Variants in MYH15 observed in about 807,000 individuals in gnomAD.
MYH15 encodes myosin-15.
In MYH15, 227 loss-of-function variants were observed where a neutral mutation model predicts 240.5. That is an observed-to-expected ratio of 0.94 (90% CI 0.85 to 1.05). MYH15 has a LOEUF of 1.05. MYH15 is among the 50% of genes least tolerant of loss of function. The pLI is 0.00. For missense variants in MYH15, 2,217 were observed against 2,247.5 expected, an observed-to-expected ratio of 0.99 and a Z score of 0.27; for synonymous variants, 785 against 796.7, an observed-to-expected ratio of 0.99 and a Z score of 0.25.
chr3:108,388,379 T>C (rs942992212), intron 38 of MYH15, among the ~76,000 whole-genome samples: 3 of 152,212 alleles, frequency 2.0e-5, no homozygotes, highest in Non-Finnish European at 4.4e-5. Flanking sequence ...CATTAGTCAC[T>C]TGTAAGAAGT....
chr3:108,491,028 C>T lies in MYH15; in HGVS notation c.871+1472G>A, dbSNP rs1016464594. ...TCAGTCTCCTGAGTAGCCAGAATTACGAGCACCTGCCACCATGCCTGGCTA... is the reference window on the plus strand; with the variant it reads ...TCAGTCTCCTGAGTAGCCAGAATTATGAGCACCTGCCACCATGCCTGGCTA... On this transcript the variant is annotated intron_variant, in intron 9 of 40. Coordinates refer to ENST00000693548, the MANE Select transcript of MYH15 (RefSeq NM_014981.3). Among the ~76,000 whole-genome samples, 9 of 152,088 alleles carry T rather than the reference C, an allele frequency of 5.9e-5. No individual in the cohort carries two copies. The South Asian group carries it at 6.2e-4, about 11-fold the overall frequency.
At chr3:108,459,533 A>G (rs2083053596) in intron 17 of MYH15, 84 bp from the exon 18 acceptor site, 1 of 727,168 alleles carries the variant, frequency 1.4e-6, no homozygotes, top group Non-Finnish European at 2.3e-6. Context: ...CTCCAAATCT[A>G]TCAACTTAAT....
chr3:108,411,371 C>A (rs552545275), intron 30 of MYH15, among the ~76,000 whole-genome samples: 8 of 152,284 alleles, frequency 5.3e-5, no homozygotes, highest in African/African-American at 1.4e-4. Flanking sequence ...CTAAAGAACA[C>A]TCTCTTGCTT....
At chr3:108,479,298 T>G (rs545469287) in intron 11 of MYH15, among the ~76,000 whole-genome samples, 16 of 152,196 alleles carry the variant, frequency 1.1e-4, no homozygotes, top group Non-Finnish European at 2.1e-4. Context: ...GGCTGCATGA[T>G]CTTACCTGGG....
At chr3:108,527,131 C>T (rs1487201637) in intron 1 of MYH15, among the ~76,000 whole-genome samples, 2 of 152,034 alleles carry the variant, frequency 1.3e-5, no homozygotes, top group African/African-American at 4.8e-5. Flanking sequence ...TTGGATGGGG[C>T]CTGAGAAGTT....
chr3:108,540,746 C>G, the MYH15 span, among the ~76,000 whole-genome samples: 1 of 151,934 alleles, frequency 6.6e-6, no homozygotes, highest in African/African-American at 2.4e-5. Flanking sequence ...ACACCAAGAG[C>G]AAATTCCTTT....
the MYH15 span, chr3:108,550,568 CATTTT>C: frequency 6.6e-6 from 1 of 151,314 alleles, no homozygotes; most frequent in African/African-American, 2.4e-5. Flanking sequence ...AATTTTTATA[CATTTT>C]ATTACCATTG....
At chr3:108,524,415 T>G (rs764167545) in intron 1 of MYH15, among the ~76,000 whole-genome samples, 8 of 152,064 alleles carry the variant, frequency 5.3e-5, no homozygotes, top group Non-Finnish European at 1.0e-4. Context: ...TTACTTGTTC[T>G]TTTCAATTTG....
At chr3:108,386,980 C>A (rs1456755264) in intron 38 of MYH15, among the ~76,000 whole-genome samples, 1 of 152,014 alleles carries the variant, frequency 6.6e-6, no homozygotes, top group Non-Finnish European at 1.5e-5. Flanking sequence ...TGCTTTATAG[C>A]ACATTTTTCT....
chr3:108,546,118 G>T, the MYH15 span, among the ~76,000 whole-genome samples: 2 of 152,074 alleles, frequency 1.3e-5, no homozygotes, highest in East Asian at 3.9e-4. Flanking sequence ...CACACAAAGG[G>T]GTTGGGATCA....
chr3:108,521,376 A>T (rs935831796), intron 1 of MYH15, among the ~76,000 whole-genome samples: 1 of 151,354 alleles, frequency 6.6e-6, no homozygotes, highest in Admixed American at 6.6e-5. Flanking sequence ...CTTTTTTAAA[A>T]TGACTTTTGG....
chr3:108,524,718 A>G (rs2083653077), intron 1 of MYH15, among the ~76,000 whole-genome samples: 1 of 152,092 alleles, frequency 6.6e-6, no homozygotes, highest in South Asian at 2.1e-4. Context: ...TTAGAAACAG[A>G]AAAACCTCAA....
chr3:108,483,839 A>C (rs2083286102), intron 11 of MYH15, among the ~76,000 whole-genome samples: 1 of 152,262 alleles, frequency 6.6e-6, no homozygotes, highest in Admixed American at 6.5e-5. Context: ...AGCCAGTTAC[A>C]AAAGGTCAAA....
chr3:108,394,597 A>C (rs531565207), intron 35 of MYH15, among the ~76,000 whole-genome samples: 1 of 152,216 alleles, frequency 6.6e-6, no homozygotes, highest in East Asian at 1.9e-4. Context: ...AGAAACAAAC[A>C]AAAAAAATCA....
chr3:108,452,876 G>A (rs2082985506), intron 21 of MYH15, among the ~76,000 whole-genome samples: 1 of 152,134 alleles, frequency 6.6e-6, no homozygotes, highest in Non-Finnish European at 1.5e-5. Flanking sequence ...TCAGCAATTT[G>A]GGAGGCTGAG....
chr3:108,435,668 C>A (rs2082824752), intron 25 of MYH15, among the ~76,000 whole-genome samples: 1 of 136,778 alleles, frequency 7.3e-6, no homozygotes, highest in African/African-American at 3.1e-5. Flanking sequence ...CAATAATAGT[C>A]CACTGTGTAT....
chr3:108,405,541 C>T (rs762819671), intron 32 of MYH15, 88 bp from the exon 33 acceptor site: 168 of 775,598 alleles, frequency 2.2e-4, no homozygotes, highest in Non-Finnish European at 2.4e-4. Context: ...GCTAATGTAG[C>T]TCTCTTAGAG....
At chr3:108,485,508 A>G (rs770498376) in intron 10 of MYH15, among the ~76,000 whole-genome samples, 5 of 152,204 alleles carry the variant, frequency 3.3e-5, no homozygotes, top group African/African-American at 7.2e-5. Context: ...CCTTCCAGCA[A>G]CAGATCACTA....
chr3:108,393,023 T>G (rs957227974), intron 36 of MYH15, among the ~76,000 whole-genome samples: 1 of 152,186 alleles, frequency 6.6e-6, no homozygotes, highest in Non-Finnish European at 1.5e-5. Context: ...CTACAATGAT[T>G]AGGTGGTTGG....
Sources: gnomAD v4.1 joint callset for allele counts (sites outside exome capture counted in the v4.1 genomes callset) on GRCh38, gnomAD v4.1.1 for gene constraint, MANE v1.5 for transcripts, NCBI Gene and HGNC (gene_info 2026-07-23, HGNC 2026-07-21) for gene names.